The following TRPC4AP variants were observed in gnomAD, a reference collection of about 807,000 sequenced individuals.
TRPC4AP encodes short transient receptor potential channel 4-associated protein.
Under a neutral mutation model 99.0 loss-of-function variants are expected in TRPC4AP, and 45 were observed. The observed-to-expected ratio is 0.45, with a 90% CI of 0.36 to 0.58. The LOEUF (loss-of-function observed/expected upper bound fraction) is 0.58. Ranked by LOEUF, TRPC4AP falls within the 20% of genes least tolerant of loss-of-function variation. The probability of loss-of-function intolerance (pLI) is 0.00; values close to 1 mark genes in which losing one functional copy is unlikely to be tolerated. For missense variants in TRPC4AP, 879 were observed against 985.3 expected (o/e 0.89, Z 1.44); for synonymous variants, 408 against 385.8 (o/e 1.06, Z -0.67).
At chr20:35,032,350 T>C (rs1367591856) in intron 8 of TRPC4AP, among the ~76,000 whole-genome samples, 1 of 152,090 alleles carries the variant, frequency 6.6e-6, no homozygotes, top group Non-Finnish European at 1.5e-5. Context: ...TCTTCAATTC[T>C]AGAACTTCCA....
chr20:35,002,698 C>A lies in TRPC4AP; in HGVS notation c.*448G>T, dbSNP rs967692328. On this transcript the variant is annotated 3_prime_UTR_variant, in exon 19 of 19. Coordinates refer to ENST00000252015, the MANE Select transcript of TRPC4AP (RefSeq NM_015638.3). ...GGGGGAAGGCAGCATTCTCTGGTAC[C>A]CACCACCCCTGCCCAGGGCTCAGAA... The A allele has an allele frequency of 1.4e-4, 25 of 174,522 alleles. No homozygotes were observed. Among genetic ancestry groups the A allele is most frequent in the African/African-American group, 4.8e-4 (20 of 41,970 alleles). The allele number at this position is 174,522 out of a possible 1,614,324, so 10.8% of individuals were successfully genotyped here.
At chr20:35,014,314 A>ATTTTTTTTTTTTTTTTT in intron 10 of TRPC4AP, among the ~76,000 whole-genome samples, 1 of 113,190 alleles carries the variant, frequency 8.8e-6, no homozygotes, top group Non-Finnish European at 1.7e-5. Context: ...CTCAGGCAGA[A>ATTTTTTTTTTTTTTTTT]TTTTTTTTTT....
In TRPC4AP at chr20:35,010,235, G is replaced by C. The variant is rs1460880202; in HGVS notation, c.1463C>G (p.Ser488Cys). 1 of 1,614,228 alleles carries C rather than the reference G, an allele frequency of 6.2e-7. No individual in the cohort carries two copies. The highest frequency in any genetic ancestry group is 8.5e-7 in the Non-Finnish European group (1 of 1,180,048). The stretch of plus-strand genomic sequence containing the variant: ...CACCTCAGGGATGTTGGCCTTGAGA[G>C]AGATGGCACTGAGTTCATTCAGCTC... The part of the protein sequence containing the change: ...NQELNELSAI[S>C]LKANIPEVEA... The change falls in exon 12 of 19, where the codon TCT becomes TGT. Residue 488 changes from serine to cysteine, a missense_variant. Ser to Cys is a moderately radical substitution (Grantham distance 112). Transcript: ENST00000252015.
In TRPC4AP at chr20:35,004,518, G is replaced by A; in HGVS notation, c.1989C>T (p.Pro663=). ...GGCGGAAGAGGAAGGACATCTGCGTGGGCACCTGGGATATGTAGGCGAGCA... is the reference window on the plus strand; with the variant it reads ...GGCGGAAGAGGAAGGACATCTGCGTAGGCACCTGGGATATGTAGGCGAGCA... ...CRLLAYISQV[P]TQMSFLFRLI... The change falls in exon 17 of 19, where the codon CCC becomes CCT. Residue 663 remains proline (P), a synonymous_variant. Transcript: ENST00000252015. 6.2e-7 allele frequency: 1 copy of A among 1,614,114 alleles called. No individual in the cohort carries two copies. Among genetic ancestry groups the A allele is most frequent in the Non-Finnish European group, 8.5e-7 (1 of 1,179,960 alleles).
chr20:35,046,090 G>C (rs1203593828), intron 6 of TRPC4AP, among the ~76,000 whole-genome samples: 1 of 152,118 alleles, frequency 6.6e-6, no homozygotes, highest in Non-Finnish European at 1.5e-5. Context: ...TCCAGAGTGA[G>C]AGCAAGAATT....
chr20:35,034,727 G>C (rs1199168942), intron 8 of TRPC4AP, among the ~76,000 whole-genome samples: 1 of 152,174 alleles, frequency 6.6e-6, no homozygotes, highest in Non-Finnish European at 1.5e-5. Context: ...TTAATAGGCA[G>C]TCTTCTGCCT....
chr20:35,027,564 T>C (rs1265884127), intron 8 of TRPC4AP, among the ~76,000 whole-genome samples: 2 of 152,162 alleles, frequency 1.3e-5, no homozygotes, highest in Non-Finnish European at 2.9e-5. Context: ...CCTTCCTCTT[T>C]TATTTTCTAT....
chr20:35,023,320 G>GT (rs946880981), intron 8 of TRPC4AP, among the ~76,000 whole-genome samples: 5 of 152,158 alleles, frequency 3.3e-5, no homozygotes, highest in African/African-American at 1.2e-4. Flanking sequence ...CCTTAATGTT[G>GT]TAAGGAGTAG....
chr20:35,049,403 C>T (rs945658388), intron 6 of TRPC4AP, among the ~76,000 whole-genome samples: 1 of 151,892 alleles, frequency 6.6e-6, no homozygotes, highest in Admixed American at 6.6e-5. Context: ...AAAATAGAGG[C>T]GGACTTCATA....
At position 35,086,457 on chromosome 20, in the gene TRPC4AP, G is replaced by GTATATATATA. The variant is rs1569157392; in HGVS notation, c.168+6156_168+6157insTATATATATA. On this transcript the variant is annotated intron_variant, in intron 1 of 18. Transcript: ENST00000252015. The stretch of plus-strand genomic sequence containing the variant: ...TGTGTGTGTGTGTGTGTGTGTGTGT[G>GTATATATATA]TGTGTGTGTGTGTGTGTGTATGTGT... Among the ~76,000 whole-genome samples the GTATATATATA allele has an allele frequency of 2.3e-3, 194 of 83,042 alleles. 3 individuals carry two copies. The highest frequency in any genetic ancestry group is 7.5e-3 in the African/African-American group (188 of 25,058). The allele number at this position is 83,042 out of a possible 152,430, so 54.5% of individuals were successfully genotyped here.
chr20:35,037,309 T>C (rs1466014116), intron 7 of TRPC4AP, among the ~76,000 whole-genome samples: 4 of 131,832 alleles, frequency 3.0e-5, no homozygotes. Context: ...ATCGCGCCAC[T>C]GCACTCCGGC....
intron 5 of TRPC4AP, among the ~76,000 whole-genome samples, chr20:35,053,939 C>G (rs2147386276): frequency 6.6e-6 from 1 of 152,286 alleles, no homozygotes; most frequent in Non-Finnish European, 1.5e-5. Flanking sequence ...CGTAAGTGTT[C>G]AAACATATTC....
At chr20:35,021,047 G>T in intron 9 of TRPC4AP, 143 bp downstream of exon 9, 1 of 879,654 alleles carries the variant, frequency 1.1e-6, no homozygotes, top group Non-Finnish European at 1.7e-6. Flanking sequence ...CTTATAGGTA[G>T]AACAGAAGGA....
rs764571900 is a variant in TRPC4AP at position 35,005,778 on chromosome 20, T to C, written c.1853A>G (p.Asn618Ser). The C allele has an allele frequency of 4.3e-6, 7 of 1,614,080 alleles. No individual in the cohort carries two copies. The highest frequency in any genetic ancestry group is 4.0e-5 in the African/African-American group (3 of 74,942). Residue 618 changes from asparagine (N) to serine (S), a missense_variant, in exon 16 of 19, where the codon AAC (asparagine) becomes AGC (serine). Physicochemically the swap from Asn to Ser is conservative, Grantham distance 46 (BLOSUM62 1). Coordinates refer to ENST00000252015, the MANE Select transcript of TRPC4AP (RefSeq NM_015638.3). ...CATGTTGGAGTCCACCAGGGAGCTG[T>C]TGATCTGCTTCAGGAATACCTGGAA... ...AKFQVFLKQI[N>S]SSLVDSNMLV...
At chr20:35,071,934 T>C (rs569076606) in intron 2 of TRPC4AP, among the ~76,000 whole-genome samples, 1 of 152,312 alleles carries the variant, frequency 6.6e-6, no homozygotes, top group South Asian at 2.1e-4. Context: ...CTCCACATCC[T>C]CTCCAGCACC....
intron 1 of TRPC4AP, among the ~76,000 whole-genome samples, chr20:35,090,535 G>A (rs1446894907): frequency 2.0e-5 from 3 of 151,906 alleles, no homozygotes; most frequent in East Asian, 1.9e-4. Context: ...CACCACGCCC[G>A]GCTAATTTTT....
At chr20:35,003,758 T>C (rs1243935309) in intron 17 of TRPC4AP, 142 bp from the exon 18 acceptor site, 4 of 927,944 alleles carry the variant, frequency 4.3e-6, no homozygotes, top group East Asian at 2.7e-5. Flanking sequence ...AGAGGTGAGA[T>C]AGGACTGGGG....
At chr20:35,013,663 G>T (rs1157810210) in intron 10 of TRPC4AP, among the ~76,000 whole-genome samples, 1 of 152,178 alleles carries the variant, frequency 6.6e-6, no homozygotes, top group Non-Finnish European at 1.5e-5. Flanking sequence ...AGAAAGGACC[G>T]AGGAGTTTGG....
chr20:35,082,601 C>G (rs1284428363), intron 1 of TRPC4AP, among the ~76,000 whole-genome samples: 2 of 152,108 alleles, frequency 1.3e-5, no homozygotes, highest in Non-Finnish European at 2.9e-5. Context: ...GATACCAAAA[C>G]CTGTCAAAAG....
Sources: gnomAD v4.1 joint callset for allele counts (sites outside exome capture counted in the v4.1 genomes callset) on GRCh38, gnomAD v4.1.1 for gene constraint, MANE v1.5 for transcripts, NCBI Gene and HGNC (gene_info 2026-07-23, HGNC 2026-07-21) for gene names.